Variants in SEMA5B observed in about 807,000 individuals in gnomAD.
SEMA5B encodes the protein semaphorin-5B.
A neutral mutation model predicts 135.0 loss-of-function variants in SEMA5B; 66 were observed. The observed-to-expected ratio is 0.49, with a 90% CI of 0.40 to 0.60. The LOEUF is 0.60. Ranked by LOEUF, SEMA5B falls within the 20% of genes least tolerant of loss-of-function variation. The pLI is 0.00. For missense variants in SEMA5B, 1,501 were observed against 1,566.3 expected (o/e 0.96, Z 0.70); for synonymous variants, 690 against 639.5 (o/e 1.08, Z -1.19).
rs1371126580 is a variant in SEMA5B at position 122,912,775 on chromosome 3, G to C, written c.2725+68C>G. ...CATTGGGGTTCCTGGGTAGGCCTGGGGCGGGGAAGGGGGCCTCCAGGATGA... is the reference window on the plus strand; with the variant it reads ...CATTGGGGTTCCTGGGTAGGCCTGGCGCGGGGAAGGGGGCCTCCAGGATGA... On this transcript the variant is annotated intron_variant, in intron 18 of 22. Coordinates refer to ENST00000357599, the MANE Select transcript of SEMA5B (RefSeq NM_001031702.4). 4.5e-5 allele frequency: 64 copies of C among 1,414,492 alleles called. 1 individual carries two copies. The Admixed American group carries it at 1.3e-3, about 29-fold the overall frequency. 87.6% of individuals were successfully genotyped at this position (1,414,492 alleles called of 1,614,324 possible). A position where few individuals can be genotyped will look rare whatever the true frequency, so the allele number is the denominator to read the frequency against.
At position 122,910,411 on chromosome 3, in the gene SEMA5B, G is replaced by A. The variant is rs868079573; in HGVS notation, c.3298-110C>T. On this transcript the variant is annotated intron_variant, in intron 22 of 22. Coordinates refer to ENST00000357599, the MANE Select transcript of SEMA5B (RefSeq NM_001031702.4). Reference sequence around the variant, plus strand: ...AGCCGTGCAAGAACACTCAGACTGCGGATCCAGTGCTCTGTTCACACCACC... The same window carrying A: ...AGCCGTGCAAGAACACTCAGACTGCAGATCCAGTGCTCTGTTCACACCACC... 34 of 1,148,138 alleles carry A rather than the reference G, an allele frequency of 3.0e-5. No individual in the cohort carries two copies. The South Asian group carries it at 3.6e-4, about 12-fold the overall frequency. 71.1% of individuals were successfully genotyped at this position (1,148,138 alleles called of 1,614,324 possible).
intron 12 of SEMA5B, among the ~76,000 whole-genome samples, chr3:122,919,194 A>C (rs1938229776): frequency 1.3e-5 from 2 of 152,168 alleles, no homozygotes; most frequent in South Asian, 4.2e-4. Context: ...CTTGTGAGCA[A>C]AAAAATGGCT....
intron 20 of SEMA5B, among the ~76,000 whole-genome samples, 164 bp downstream of exon 20, chr3:122,911,756 T>A (rs1275455128): frequency 2.6e-5 from 4 of 152,212 alleles, no homozygotes; most frequent in Non-Finnish European, 2.9e-5. Context: ...AATGTGTGCA[T>A]GGAGGCAAAT....
chr3:122,937,989 A>G (rs369906099), intron 5 of SEMA5B, among the ~76,000 whole-genome samples: 94 of 152,234 alleles, frequency 6.2e-4, no homozygotes, highest in African/African-American at 2.2e-3. Flanking sequence ...TTTCCGGCCA[A>G]TGGAAACTAG....
At chr3:122,945,105 C>T (rs945068245) in intron 3 of SEMA5B, among the ~76,000 whole-genome samples, 15 of 152,242 alleles carry the variant, frequency 9.9e-5, no homozygotes, top group East Asian at 1.9e-4. Context: ...CATTTCTGCA[C>T]GACAGGCAAA....
intron 1 of SEMA5B, 70 bp from the exon 2 acceptor site, chr3:122,961,371 T>G: frequency 7.2e-7 from 1 of 1,385,318 alleles, no homozygotes; most frequent in Non-Finnish European, 9.9e-7. Flanking sequence ...AGGTCAGATA[T>G]AGGCCAGACT....
intron 1 of SEMA5B, among the ~76,000 whole-genome samples, chr3:122,962,301 G>A (rs1231783107): frequency 6.6e-6 from 1 of 152,232 alleles, no homozygotes; most frequent in Non-Finnish European, 1.5e-5. Flanking sequence ...TCTGAAGAAG[G>A]AGTAGCAGCC....
At chr3:122,990,801 G>A (rs1000855756) in intron 1 of SEMA5B, among the ~76,000 whole-genome samples, 1 of 152,164 alleles carries the variant, frequency 6.6e-6, no homozygotes, top group African/African-American at 2.4e-5. Context: ...TTGCCTTTAA[G>A]ATGAGACTTA....
intron 1 of SEMA5B, among the ~76,000 whole-genome samples, chr3:123,015,429 G>A (rs1942534672): frequency 6.6e-6 from 1 of 152,176 alleles, no homozygotes; most frequent in African/African-American, 2.4e-5. Context: ...TAAGCATACG[G>A]GTATGCTGGT....
At chr3:123,012,244 G>A (rs1942452932) in intron 1 of SEMA5B, among the ~76,000 whole-genome samples, 1 of 152,178 alleles carries the variant, frequency 6.6e-6, no homozygotes, top group Non-Finnish European at 1.5e-5. Flanking sequence ...CATGGTAGTT[G>A]TTATTTGAGA....
intron 2 of SEMA5B, among the ~76,000 whole-genome samples, chr3:122,957,229 G>T (rs1254144885): frequency 1.3e-5 from 2 of 152,226 alleles, no homozygotes; most frequent in African/African-American, 4.8e-5. Context: ...TGGTGGCAGT[G>T]AGCAAGGGGA....
At chr3:122,923,529 G>A (rs1013554473) in intron 10 of SEMA5B, 88 bp downstream of exon 10, 6 of 1,472,670 alleles carry the variant, frequency 4.1e-6, no homozygotes, top group Non-Finnish European at 5.6e-6. Context: ...GTGTCTGTCT[G>A]TGCTAAGCAG....
Position 122,982,880 on chromosome 3 carries a change from C to A in SEMA5B, c.-38-21579G>T, listed in dbSNP as rs538150490. Among the ~76,000 whole-genome samples the A allele has an allele frequency of 3.9e-5, 6 of 152,320 alleles. No homozygotes were observed. In the East Asian group the frequency reaches 1.2e-3, roughly 29 times the overall value. ...TATTTGTTCGGCTGCCCTGGTCACC[C>A]GGGAATGGGGTGGGCTCAGTTCCCA... On this transcript the variant is annotated intron_variant, in intron 1 of 22. Transcript: ENST00000357599.
chr3:122,927,370 A>AT lies in SEMA5B; in HGVS notation c.850+419dup, dbSNP rs550032563. Among the ~76,000 whole-genome samples, 649 of 151,994 alleles carry AT rather than the reference A, an allele frequency of 4.3e-3. 6 individuals are homozygous for AT. The highest frequency in any genetic ancestry group is 0.015 in the African/African-American group (621 of 41,454). On this transcript the variant is annotated intron_variant, in intron 8 of 22. Transcript: ENST00000357599. ...CCTGGCTGATTTATTTTTTATTTTT[A>AT]TTTTTAGAGACAGGGTCTTGCTATG...
intron 1 of SEMA5B, among the ~76,000 whole-genome samples, chr3:122,988,433 C>G (rs1346234935): frequency 6.6e-6 from 1 of 152,188 alleles, no homozygotes; most frequent in Non-Finnish European, 1.5e-5. Flanking sequence ...TCTACAGAAC[C>G]CCAACCACCT....
intron 12 of SEMA5B, among the ~76,000 whole-genome samples, chr3:122,916,451 G>A (rs760956894): frequency 6.6e-6 from 1 of 152,172 alleles, no homozygotes; most frequent in African/African-American, 2.4e-5. Context: ...CTCTAGGGGC[G>A]AAGTAGTGTT....
At chr3:122,988,392 C>T (rs1941764315) in intron 1 of SEMA5B, among the ~76,000 whole-genome samples, 1 of 152,232 alleles carries the variant, frequency 6.6e-6, no homozygotes, top group South Asian at 2.1e-4. Context: ...AAATCAAACA[C>T]CGTCTGTATC....
chr3:122,924,545 T>G (rs1319275346), intron 9 of SEMA5B, among the ~76,000 whole-genome samples: 1 of 152,226 alleles, frequency 6.6e-6, no homozygotes, highest in Admixed American at 6.5e-5. Context: ...GTCGCTGGAC[T>G]GCTTCAAACC....
intron 5 of SEMA5B, among the ~76,000 whole-genome samples, chr3:122,936,900 T>C (rs1444226540): frequency 6.6e-6 from 1 of 152,242 alleles, no homozygotes; most frequent in Non-Finnish European, 1.5e-5. Context: ...GGAAGAGTGG[T>C]TTACATAAAT....
Sources: gnomAD v4.1 joint callset for allele counts (sites outside exome capture counted in the v4.1 genomes callset) on GRCh38, gnomAD v4.1.1 for gene constraint, MANE v1.5 for transcripts, NCBI Gene and HGNC (gene_info 2026-07-23, HGNC 2026-07-21) for gene names.